MSRA: variants seen among roughly 807,000 people sequenced by gnomAD.
MSRA encodes mitochondrial peptide methionine sulfoxide reductase.
MSRA carries 54 observed loss-of-function variants against 31.3 expected under a neutral mutation model. That is an observed-to-expected ratio of 1.73 (90% confidence interval 1.39 to 2.17). The LOEUF is 2.17. MSRA is among the 30% of genes most tolerant of loss of function. The pLI is 0.00. For synonymous variants in MSRA, 169 were observed against 116.5 expected (o/e 1.45, Z -2.90); for missense variants, 507 against 300.9 (o/e 1.69, Z -5.07).
intron 5 of MSRA, among the ~76,000 whole-genome samples, chr8:10,361,154 G>C (rs1456937363): frequency 6.6e-6 from 1 of 152,222 alleles, no homozygotes; most frequent in African/African-American, 2.4e-5. Context: ...TTAATGAGGA[G>C]AGGAGTATTG....
chr8:10,363,256 CT>C (rs1431151071), intron 5 of MSRA, among the ~76,000 whole-genome samples: 3 of 152,212 alleles, frequency 2.0e-5, no homozygotes, highest in Non-Finnish European at 2.9e-5. Flanking sequence ...GAACCAAGTT[CT>C]TTGGCAACTG....
chr8:10,181,657 C>T (rs898863118), intron 1 of MSRA, among the ~76,000 whole-genome samples: 6 of 151,992 alleles, frequency 3.9e-5, no homozygotes, highest in African/African-American at 1.2e-4. Context: ...AGAGAGAGGG[C>T]AAGAGTAGAG....
chr8:10,055,785 C>A (rs781680351), intron 1 of MSRA, among the ~76,000 whole-genome samples: 1 of 152,138 alleles, frequency 6.6e-6, no homozygotes, highest in South Asian at 2.1e-4. Context: ...AGTTTGTCAT[C>A]TCGTAGAATA....
At chr8:10,201,427 G>A (rs1808491579) in intron 1 of MSRA, among the ~76,000 whole-genome samples, 2 of 152,170 alleles carry the variant, frequency 1.3e-5, no homozygotes, top group African/African-American at 4.8e-5. Context: ...GATGGCAGCT[G>A]CTGTTCCTGG....
At chr8:10,200,359 T>G (rs1413248674) in intron 1 of MSRA, among the ~76,000 whole-genome samples, 5 of 152,218 alleles carry the variant, frequency 3.3e-5, no homozygotes, top group Non-Finnish European at 5.9e-5. Flanking sequence ...CCCACTTGCA[T>G]ATGGTCCCTG....
At chr8:10,415,694 A>G (rs778560077) in intron 5 of MSRA, among the ~76,000 whole-genome samples, 1 of 151,704 alleles carries the variant, frequency 6.6e-6, no homozygotes, top group Non-Finnish European at 1.5e-5. Flanking sequence ...ATTTCACCTG[A>G]CTTGCCCTCC....
At chr8:10,397,689 C>G (rs1382822663) in intron 5 of MSRA, among the ~76,000 whole-genome samples, 3 of 152,188 alleles carry the variant, frequency 2.0e-5, no homozygotes, top group African/African-American at 7.2e-5. Flanking sequence ...CGTCTTCTAC[C>G]TTATTCATGC....
At chr8:10,329,495 G>A (rs1802568830) in intron 5 of MSRA, among the ~76,000 whole-genome samples, 2 of 152,144 alleles carry the variant, frequency 1.3e-5, no homozygotes, top group South Asian at 2.1e-4. Flanking sequence ...AAACAATCAA[G>A]AATACTCCCG....
chr8:10,275,282 G>T (rs1391851782), intron 3 of MSRA, among the ~76,000 whole-genome samples: 2 of 152,204 alleles, frequency 1.3e-5, no homozygotes, highest in Non-Finnish European at 2.9e-5. Context: ...CAAGTTTGAA[G>T]TTTCAGAAAT....
chr8:10,268,185 G>A (rs146751022), intron 3 of MSRA, among the ~76,000 whole-genome samples: 2 of 152,318 alleles, frequency 1.3e-5, no homozygotes, highest in East Asian at 1.9e-4. Flanking sequence ...ACCTGGTGGA[G>A]GAGATGGACA....
At chr8:10,199,292 G>T (rs141887554) in intron 1 of MSRA, among the ~76,000 whole-genome samples, 1 of 152,188 alleles carries the variant, frequency 6.6e-6, no homozygotes, top group South Asian at 2.1e-4. Context: ...ACCCTAGGCC[G>T]GTAGGCTCAC....
intron 2 of MSRA, among the ~76,000 whole-genome samples, chr8:10,213,773 C>G (rs1383755636): frequency 1.3e-5 from 2 of 152,102 alleles, no homozygotes; most frequent in Non-Finnish European, 2.9e-5. Context: ...TTGTGAATAA[C>G]TGCTGCAGCA....
chr8:10,419,745 G>T (rs1366789079), intron 5 of MSRA, among the ~76,000 whole-genome samples: 1 of 152,172 alleles, frequency 6.6e-6, no homozygotes, highest in Non-Finnish European at 1.5e-5. Context: ...ATATCTCTTT[G>T]GGTGGAGGGC....
At chr8:10,389,114 C>T (rs1243691616) in intron 5 of MSRA, among the ~76,000 whole-genome samples, 1 of 152,130 alleles carries the variant, frequency 6.6e-6, no homozygotes, top group Non-Finnish European at 1.5e-5. Context: ...TTCGTAACCT[C>T]CGGCATGAAT....
At chr8:10,287,217 A>G (rs1415063695) in intron 3 of MSRA, among the ~76,000 whole-genome samples, 1 of 152,214 alleles carries the variant, frequency 6.6e-6, no homozygotes, top group Non-Finnish European at 1.5e-5. Flanking sequence ...AGTAGTTACC[A>G]TTAGCTCCAA....
chr8:10,102,767 G>A (rs578136504), intron 1 of MSRA, among the ~76,000 whole-genome samples: 1 of 152,290 alleles, frequency 6.6e-6, no homozygotes, highest in East Asian at 1.9e-4. Flanking sequence ...GGGAAAGGGG[G>A]GCACTCCCTC....
At chr8:10,155,000 TTTTA>T (rs1804025385) in intron 1 of MSRA, among the ~76,000 whole-genome samples, 1 of 98,378 alleles carries the variant, frequency 1.0e-5, no homozygotes, top group South Asian at 3.8e-4. Context: ...TGTGTATATA[TTTTA>T]TATATATATA....
chr8:10,134,344 C>T (rs1056274789), intron 1 of MSRA, among the ~76,000 whole-genome samples: 2 of 152,210 alleles, frequency 1.3e-5, no homozygotes, highest in Non-Finnish European at 2.9e-5. Flanking sequence ...AAACACAGCA[C>T]AACACTTGAC....
intron 4 of MSRA, among the ~76,000 whole-genome samples, chr8:10,306,821 G>A (rs987451977): frequency 3.3e-5 from 5 of 152,172 alleles, no homozygotes; most frequent in African/African-American, 1.2e-4. Flanking sequence ...TCAGTTTTGT[G>A]TGACTTCACC....
Sources: gnomAD v4.1 joint callset for allele counts (sites outside exome capture counted in the v4.1 genomes callset) on GRCh38, gnomAD v4.1.1 for gene constraint, MANE v1.5 for transcripts, NCBI Gene and HGNC (gene_info 2026-07-23, HGNC 2026-07-21) for gene names.